The following TMEM106A variants were observed in gnomAD, a reference collection of about 807,000 sequenced individuals.
The protein encoded by TMEM106A is transmembrane protein 106A.
In TMEM106A, 22 loss-of-function variants were observed where a neutral mutation model predicts 25.1. The ratio of observed to expected loss-of-function variants is 0.88; its 90% CI spans 0.63 to 1.25. TMEM106A has a LOEUF of 1.25. Among genes scored for constraint, TMEM106A ranks in the 50% most tolerant of loss-of-function variants. TMEM106A has a pLI of 0.00. For missense variants in TMEM106A, 275 were observed against 318.1 expected (o/e 0.86, Z 1.03); for synonymous variants, 104 against 129.9 (o/e 0.80, Z 1.35).
In TMEM106A at chr17:43,213,016, A is replaced by G; in HGVS notation, c.-21-5A>G. On this transcript the variant is annotated splice_region_variant and splice_polypyrimidine_tract_variant and intron_variant, in intron 2 of 8. Coordinates refer to ENST00000612339, the MANE Select transcript of TMEM106A (RefSeq NM_145041.4). The stretch of plus-strand genomic sequence containing the variant: ...TAGCACTGAACTTTGGTCTTTTCTC[A>G]TTAGTGAAACCCCCGCCCCTGAAGA... The G allele has an allele frequency of 1.2e-6, 2 of 1,613,232 alleles. No individual in the cohort carries two copies. Among genetic ancestry groups the G allele is most frequent in the Non-Finnish European group, 8.5e-7 (1 of 1,179,250 alleles).
Position 43,218,009 on chromosome 17 carries a change from T to C in TMEM106A, c.*208T>C. 7.5e-6 allele frequency: 5 copies of C among 669,554 alleles called. No individual in the cohort carries two copies. The highest frequency in any genetic ancestry group is 1.2e-5 in the Non-Finnish European group (5 of 413,860). 41.5% of individuals were successfully genotyped at this position (669,554 alleles called of 1,614,324 possible). ...CTCATATCCTCCAGTTTCCCCCAGATTCTTTCAGGGGCTGCCATCAGATTC... is the reference window on the plus strand; with the variant it reads ...CTCATATCCTCCAGTTTCCCCCAGACTCTTTCAGGGGCTGCCATCAGATTC... On this transcript the variant is annotated 3_prime_UTR_variant, in exon 9 of 9. Coordinates refer to ENST00000612339, the MANE Select transcript of TMEM106A (RefSeq NM_145041.4).
At position 43,213,115 on chromosome 17, in the gene TMEM106A, C is replaced by T; in HGVS notation, c.74C>T (p.Ala25Val). Residue 25 changes from alanine (A) to valine (V), a missense_variant, in exon 3 of 9, where the codon GCC (alanine) becomes GTC (valine). Transcript: ENST00000612339. ...AAGTCAATCCTGTCCTCCAAACCAGCCATTGGCAGCAAGGCTGTCAACTAC... is the reference window on the plus strand; with the variant it reads ...AAGTCAATCCTGTCCTCCAAACCAGTCATTGGCAGCAAGGCTGTCAACTAC... ...ENKSILSSKP[A>V]IGSKAVNYSS... is the part of the protein sequence containing the mutation. 1.2e-6 allele frequency: 2 copies of T among 1,614,222 alleles called. No homozygotes were observed. The highest frequency in any genetic ancestry group is 1.7e-6 in the Non-Finnish European group (2 of 1,180,040).
chr17:43,216,869 G>T (rs992014071), intron 7 of TMEM106A, 129 bp downstream of exon 7: 10 of 1,224,146 alleles, frequency 8.2e-6, no homozygotes, highest in South Asian at 6.3e-5. Flanking sequence ...CCATGGCCGA[G>T]AATGTAATAA....
chr17:43,217,283 CA>C lies in TMEM106A; in HGVS notation c.642del (p.Val215SerfsTer12), dbSNP rs752962121. ...GCAAAATCTGTACCTGGCTGGAAAT[CA>C]AAGTCCACCATGTGCTTTTGCACAT... The part of the protein sequence containing the change: ...TYKICTWLEI[K>X]VHHVLLHIQG... On this transcript the variant is annotated frameshift_variant, in exon 8 of 9. Coordinates refer to ENST00000612339, the MANE Select transcript of TMEM106A (RefSeq NM_145041.4). LOFTEE classifies it high-confidence loss of function. 52 of 1,614,128 alleles carry C rather than the reference CA, an allele frequency of 3.2e-5. No homozygotes were observed. Among genetic ancestry groups the C allele is most frequent in the Non-Finnish European group, 4.2e-5 (50 of 1,180,054 alleles).
At chr17:43,215,754 C>T in intron 4 of TMEM106A, 34 bp from the exon 5 acceptor site, 1 of 1,611,418 alleles carries the variant, frequency 6.2e-7, no homozygotes, top group Non-Finnish European at 8.5e-7. Flanking sequence ...TCAGACTTTT[C>T]CATTCCTCCA....
intron 7 of TMEM106A, chr17:43,216,978 C>A: frequency 1.6e-6 from 1 of 628,368 alleles, no homozygotes; most frequent in Non-Finnish European, 2.8e-6. Context: ...TGACCTTGGG[C>A]TCTTCAGCCT....
In TMEM106A at chr17:43,213,227, C is replaced by T. The variant is rs199609877; in HGVS notation, c.186C>T (p.Cys62=). 106 of 1,614,212 alleles carry T rather than the reference C, an allele frequency of 6.6e-5. 1 individual carries two copies. The highest frequency in any genetic ancestry group is 3.3e-4 in the Middle Eastern group (2 of 6,060). Residue 62 remains cysteine (C), a synonymous_variant, in exon 3 of 9, where the codon TGC becomes TGT. Coordinates refer to ENST00000612339, the MANE Select transcript of TMEM106A (RefSeq NM_145041.4). ...ADASFVTCPT[C]QGSGKIPQEL... is the part of the protein sequence containing the mutation. ...CCAGCTTCGTGACTTGTCCCACCTG[C>T]CAGGGCAGTGGCAAGATTCCCCAAG...
rs1166416007 is a variant in TMEM106A at position 43,212,223 on chromosome 17, C to G, written c.-189-4C>G. Reference sequence around the variant, plus strand: ...TCTCCAGTGCGGCACATTCGTTCCCCTAGGACTCCGGCCGGTTGCCGGCCC... The same window carrying G: ...TCTCCAGTGCGGCACATTCGTTCCCGTAGGACTCCGGCCGGTTGCCGGCCC... On this transcript the variant is annotated splice_polypyrimidine_tract_variant and splice_region_variant and intron_variant, in intron 1 of 8. Coordinates refer to ENST00000612339, the MANE Select transcript of TMEM106A (RefSeq NM_145041.4). 1 of 152,774 alleles carries G rather than the reference C, an allele frequency of 6.5e-6. No homozygotes were observed. The highest frequency in any genetic ancestry group is 2.4e-5 in the African/African-American group (1 of 41,464). 9.5% of individuals were successfully genotyped at this position (152,774 alleles called of 1,614,324 possible).
At chr17:43,215,708 G>A (rs1377515504) in intron 4 of TMEM106A, 80 bp from the exon 5 acceptor site, 1 of 1,486,198 alleles carries the variant, frequency 6.7e-7, no homozygotes, top group African/African-American at 1.4e-5. Flanking sequence ...ATATGGAGAG[G>A]AGTGTCTGAA....
At position 43,213,065 on chromosome 17, in the gene TMEM106A, G is replaced by C; in HGVS notation, c.24G>C (p.Leu8=). MGKTFSQ[L]GSWREDENKS... ...GAATGGGTAAGACGTTTTCCCAGCT[G>C]GGCTCTTGGCGGGAGGATGAGAACA... Residue 8 remains leucine, a synonymous_variant, in exon 3 of 9, where the codon CTG becomes CTC. Transcript: ENST00000612339. The C allele has an allele frequency of 6.2e-7, 1 of 1,614,176 alleles. No homozygotes were observed. Among genetic ancestry groups the C allele is most frequent in the Non-Finnish European group, 8.5e-7 (1 of 1,180,032 alleles).
In TMEM106A at chr17:43,218,967, T is replaced by C. The variant is rs1212040809; in HGVS notation, c.*1166T>C. The C allele has an allele frequency of 6.6e-6, 1 of 152,142 alleles. No individual in the cohort carries two copies. The highest frequency in any genetic ancestry group is 1.5e-5 in the Non-Finnish European group (1 of 68,030). The allele number at this position is 152,142 out of a possible 1,614,324, so 9.4% of individuals were successfully genotyped here. A position where few individuals can be genotyped will look rare whatever the true frequency, so the allele number is the denominator to read the frequency against. On this transcript the variant is annotated 3_prime_UTR_variant, in exon 9 of 9. Coordinates refer to ENST00000612339, the MANE Select transcript of TMEM106A (RefSeq NM_145041.4). ...TAAAGTAGTTTTACTATTCTTTTCA[T>C]AGCAGGAGCCAAAATAGTAGAGGAG...
At chr17:43,213,961 T>C (rs2057460635) in intron 4 of TMEM106A, 70 bp downstream of exon 4, 1 of 1,504,018 alleles carries the variant, frequency 6.6e-7, no homozygotes, top group African/African-American at 1.4e-5. Context: ...GTCTCCCCTG[T>C]TTTGATCTCC....
intron 3 of TMEM106A, 84 bp downstream of exon 3, chr17:43,213,336 C>T (rs763017460): frequency 5.5e-5 from 78 of 1,426,214 alleles, no homozygotes; most frequent in Non-Finnish European, 7.5e-5. Flanking sequence ...CTCTGAGTCT[C>T]CTTGGATGGG....
At chr17:43,215,676 AG>A (rs988444025) in intron 4 of TMEM106A, 111 bp from the exon 5 acceptor site, 53 of 1,122,290 alleles carry the variant, frequency 4.7e-5, no homozygotes, top group Non-Finnish European at 6.4e-5. Context: ...TTGTTGGGGT[AG>A]TGTGCAGGGG....
chr17:43,212,024 G>A (rs1040003900), intron 1 of TMEM106A, 102 bp downstream of exon 1: 2 of 152,580 alleles, frequency 1.3e-5, no homozygotes, highest in Admixed American at 1.3e-4. Flanking sequence ...CCCCCGCACG[G>A]GTACCAAGCT....
chr17:43,215,950 G>T lies in TMEM106A; in HGVS notation c.429+9G>T, dbSNP rs747053289. The T allele has an allele frequency of 1.9e-6, 3 of 1,613,842 alleles. No homozygotes were observed. The Admixed American group carries it at 5.0e-5, about 27-fold the overall frequency. Reference sequence around the variant, plus strand: ...TCTACCTCAACATAACGGTGGGTGGGTGCCCTTGGCTCCAAACCCCCCTTC... The same window carrying T: ...TCTACCTCAACATAACGGTGGGTGGTTGCCCTTGGCTCCAAACCCCCCTTC... On this transcript the variant is annotated intron_variant, in intron 5 of 8. Coordinates refer to ENST00000612339, the MANE Select transcript of TMEM106A (RefSeq NM_145041.4).
In TMEM106A at chr17:43,217,252, C is replaced by T. The variant is rs961339152; in HGVS notation, c.615-7C>T. ...GTGGTCCCACGTTCTCTTTTCTTCT[C>T]TCTCAGCAAAATCTGTACCTGGCTG... is the stretch of plus-strand genomic sequence containing the variant. On this transcript the variant is annotated splice_polypyrimidine_tract_variant and splice_region_variant and intron_variant, in intron 7 of 8. Coordinates refer to ENST00000612339, the MANE Select transcript of TMEM106A (RefSeq NM_145041.4). 1 of 1,614,080 alleles carries T rather than the reference C, an allele frequency of 6.2e-7. No homozygotes were observed. The highest frequency in any genetic ancestry group is 1.3e-5 in the African/African-American group (1 of 74,950).
Position 43,211,882 on chromosome 17 carries a change from A to G in TMEM106A, c.-230A>G, listed in dbSNP as rs2057429579. 1 of 152,114 alleles carries G rather than the reference A, an allele frequency of 6.6e-6. No homozygotes were observed. Among genetic ancestry groups the G allele is most frequent in the African/African-American group, 2.4e-5 (1 of 41,352 alleles). 9.4% of individuals were successfully genotyped at this position (152,114 alleles called of 1,614,324 possible). A position where few individuals can be genotyped will look rare whatever the true frequency, so the allele number is the denominator to read the frequency against. On this transcript the variant is annotated 5_prime_UTR_variant, in exon 1 of 9. Coordinates refer to ENST00000612339, the MANE Select transcript of TMEM106A (RefSeq NM_145041.4). ...GGGAGTGTTCGCTCCCGCATTTTCG[A>G]TTCCACTCTCTTCCGTTTCTGTCGC...
intron 8 of TMEM106A, 105 bp downstream of exon 8, chr17:43,217,417 C>CTT: frequency 1.4e-6 from 2 of 1,430,510 alleles, no homozygotes; most frequent in Non-Finnish European, 2.0e-6. Context: ...CCCCATGAAT[C>CTT]TTTGTTGGCT....
Sources: gnomAD v4.1 joint callset for allele counts on GRCh38, gnomAD v4.1.1 for gene constraint, MANE v1.5 for transcripts, NCBI Gene and HGNC (gene_info 2026-07-23, HGNC 2026-07-21) for gene names.